INTS7: variants seen among roughly 807,000 people sequenced by gnomAD.
The protein encoded by INTS7 is chromosome 1 open reading frame 73.
In INTS7, 46 loss-of-function variants were observed where a neutral mutation model predicts 109.2. That is an observed-to-expected ratio of 0.42 (90% CI 0.33 to 0.54). INTS7 has a LOEUF of 0.54. Ranked by LOEUF, INTS7 falls within the 20% of genes least tolerant of loss-of-function variation. The pLI, the probability that INTS7 is intolerant of heterozygous loss-of-function variation, is 0.07. For synonymous variants in INTS7, 412 were observed against 402.9 expected (o/e 1.02, Z -0.27); for missense variants, 929 against 1,132.4 (o/e 0.82, Z 2.58).
At chr1:211,968,292 CTT>C (rs1447347596) in intron 14 of INTS7, among the ~76,000 whole-genome samples, 2 of 152,048 alleles carry the variant, frequency 1.3e-5, no homozygotes, top group Non-Finnish European at 1.5e-5. Flanking sequence ...AAAATCTGTC[CTT>C]TCTCTTTATA....
Position 211,982,793 on chromosome 1 carries a change from GAGA to G in INTS7, c.1012_1014del (p.Ser338del). 6.2e-7 allele frequency: 1 copy of G among 1,607,148 alleles called. No homozygotes were observed. Among genetic ancestry groups the G allele is most frequent in the South Asian group, 1.1e-5 (1 of 89,496 alleles). ...AATTTGACTAAATCAGAAGATCTGG[GAGA>G]AGAACTCACATTTCCTAAAAAAGCA... On this transcript the variant is annotated inframe_deletion, in exon 9 of 20. Coordinates refer to ENST00000366994, the MANE Select transcript of INTS7 (RefSeq NM_015434.4).
intron 13 of INTS7, 54 bp from the exon 14 acceptor site, chr1:211,968,761 A>G: frequency 7.1e-7 from 1 of 1,400,728 alleles, no homozygotes; most frequent in Non-Finnish European, 9.8e-7. Context: ...GAACAGTGAG[A>G]TGGGGCAGTA....
chr1:211,954,840 G>A (rs1433283946), intron 16 of INTS7, among the ~76,000 whole-genome samples: 46 of 152,210 alleles, frequency 3.0e-4, no homozygotes, highest in African/African-American at 8.9e-4. Context: ...TGATGCCTCC[G>A]GCTTTGTTCT....
At chr1:212,006,842 T>C (rs749618702) in intron 6 of INTS7, 81 bp from the exon 7 acceptor site, 56 of 1,201,016 alleles carry the variant, frequency 4.7e-5, no homozygotes, top group Middle Eastern at 2.1e-4. Flanking sequence ...TAGTGAAACT[T>C]ATAAAGGGAC....
chr1:211,966,530 A>G (rs1448136098), intron 15 of INTS7, 32 bp from the exon 16 acceptor site: 17 of 1,415,120 alleles, frequency 1.2e-5, no homozygotes, highest in Non-Finnish European at 1.7e-5. Flanking sequence ...ATACGAAAAT[A>G]GAGAAGAAAC....
chr1:211,987,889 G>A lies in INTS7; in HGVS notation c.994C>T (p.Pro332Ser), dbSNP rs1468522735. ...GTATCTCCTGTCTTTTCCTTACCTG[G>A]AACTATACTGAAGTAATGTTTGATG... The part of the protein sequence containing the change: ...IAIKHYFSIV[P>S]GNVSSSPRSS... The change falls in exon 8 of 20, where the codon CCA (proline) becomes TCA (serine). Residue 332 changes from proline to serine, a missense_variant. Pro to Ser is a moderately conservative substitution (Grantham distance 74). Coordinates refer to ENST00000366994, the MANE Select transcript of INTS7 (RefSeq NM_015434.4). The A allele has an allele frequency of 6.5e-7, 1 of 1,529,242 alleles. No homozygotes were observed. 94.7% of individuals were successfully genotyped at this position (1,529,242 alleles called of 1,614,324 possible). A position where few individuals can be genotyped will look rare whatever the true frequency, so the allele number is the denominator to read the frequency against.
intron 3 of INTS7, among the ~76,000 whole-genome samples, chr1:212,018,027 C>T (rs1208564351): frequency 2.0e-5 from 3 of 152,308 alleles, no homozygotes; most frequent in African/African-American, 4.8e-5. Context: ...ATTCCCACTG[C>T]TTCCGGCTTA....
chr1:211,969,830 T>C (rs1377198534), intron 13 of INTS7, among the ~76,000 whole-genome samples: 1 of 151,934 alleles, frequency 6.6e-6, no homozygotes, highest in African/African-American at 2.4e-5. Flanking sequence ...GCAATTCTCC[T>C]GCCTCAGCCT....
intron 8 of INTS7, among the ~76,000 whole-genome samples, chr1:211,986,773 G>A (rs1664912381): frequency 6.6e-6 from 1 of 152,154 alleles, no homozygotes; most frequent in Non-Finnish European, 1.5e-5. Flanking sequence ...ATGATTAGTT[G>A]AGTCCAAGCC....
chr1:211,999,081 T>C (rs1292289488), intron 7 of INTS7, among the ~76,000 whole-genome samples: 2 of 152,330 alleles, frequency 1.3e-5, no homozygotes, highest in Non-Finnish European at 2.9e-5. Context: ...TGGCAGTTTC[T>C]TACAAAGTTA....
chr1:211,974,966 C>G (rs543459734), intron 13 of INTS7, among the ~76,000 whole-genome samples, 200 bp downstream of exon 13: 4 of 151,998 alleles, frequency 2.6e-5, no homozygotes, highest in Non-Finnish European at 4.4e-5. Context: ...CATGTGGTAC[C>G]CAGTTATTTT....
At chr1:211,954,868 T>G (rs1663292030) in intron 16 of INTS7, among the ~76,000 whole-genome samples, 1 of 152,234 alleles carries the variant, frequency 6.6e-6, no homozygotes, top group African/African-American at 2.4e-5. Context: ...TAGGATTGAC[T>G]TGGTGATGTG....
chr1:212,027,370 A>G (rs941328022), intron 1 of INTS7, among the ~76,000 whole-genome samples: 2 of 152,238 alleles, frequency 1.3e-5, no homozygotes, highest in African/African-American at 4.8e-5. Flanking sequence ...TGCCCTGGTC[A>G]TAAGACCACT....
chr1:211,950,340 C>T (rs764224226), intron 17 of INTS7, among the ~76,000 whole-genome samples: 9 of 152,294 alleles, frequency 5.9e-5, no homozygotes, highest in African/African-American at 2.2e-4. Context: ...GGCGTGATCT[C>T]GGCTCACTGC....
At chr1:211,953,134 C>T (rs1396038668) in intron 16 of INTS7, among the ~76,000 whole-genome samples, 1 of 152,226 alleles carries the variant, frequency 6.6e-6, no homozygotes, top group African/African-American at 2.4e-5. Context: ...GAGTCTTGAA[C>T]ATATCAGTAG....
intron 4 of INTS7, among the ~76,000 whole-genome samples, chr1:212,016,277 A>C (rs1666440001): frequency 6.6e-6 from 1 of 152,192 alleles, no homozygotes; most frequent in Non-Finnish European, 1.5e-5. Context: ...ACATATTACC[A>C]AAATGCACCC....
At position 211,946,266 on chromosome 1, in the gene INTS7, T is replaced by C. The variant is rs1010892857; in HGVS notation, c.2415+341A>G. Among the ~76,000 whole-genome samples the C allele has an allele frequency of 2.0e-5, 3 of 152,164 alleles. No homozygotes were observed. The highest frequency in any genetic ancestry group is 2.4e-5 in the African/African-American group (1 of 41,444). On this transcript the variant is annotated intron_variant, in intron 18 of 19. Transcript: ENST00000366994. This position sits in a 1 kb window ranked among gnomAD's most constrained non-coding sequence, Gnocchi z 4.3. ...GGGAGGCAGAGGTGGGTGGATCACT[T>C]GAGGTCAGGAGTTCCTGACCAGCCT...
chr1:211,953,815 G>C (rs1341025606), intron 16 of INTS7, among the ~76,000 whole-genome samples: 1 of 150,912 alleles, frequency 6.6e-6, no homozygotes, highest in Non-Finnish European at 1.5e-5. Context: ...GGACATTTGG[G>C]TTGGTTCCAA....
chr1:212,035,305 C>A lies in INTS7; in HGVS notation c.94+39G>T, dbSNP rs753484596. On this transcript the variant is annotated intron_variant, in intron 1 of 19. Coordinates refer to ENST00000366994, the MANE Select transcript of INTS7 (RefSeq NM_015434.4). ...ACCACCTGGTGGCGCCACTTCCCCC[C>A]ACGCCTGTTTCACCCATTCAGCCCT... The A allele has an allele frequency of 8.0e-6, 11 of 1,376,148 alleles. 1 individual carries two copies. The South Asian group carries it at 9.3e-5, about 12-fold the overall frequency. 85.2% of individuals were successfully genotyped at this position (1,376,148 alleles called of 1,614,324 possible).
Sources: gnomAD v4.1 joint callset for allele counts (sites outside exome capture counted in the v4.1 genomes callset) on GRCh38, gnomAD v4.1.1 for gene constraint, Gnocchi (gnomAD v3.1) non-coding constraint, MANE v1.5 for transcripts, NCBI Gene and HGNC (gene_info 2026-07-23, HGNC 2026-07-21) for gene names.